The following UAP1L1 variants were observed in gnomAD, a reference collection of about 807,000 sequenced individuals.
UAP1L1 encodes the protein UDP-N-acetylhexosamine pyrophosphorylase-like protein 1.
In UAP1L1, 45 loss-of-function variants were observed where a neutral mutation model predicts 45.3. That is an observed-to-expected ratio of 0.99 (90% CI 0.78 to 1.27). The LOEUF is 1.27. Among genes scored for constraint, UAP1L1 ranks in the 50% most tolerant of loss-of-function variants. The probability of loss-of-function intolerance (pLI) is 0.00; values close to 1 mark genes in which losing one functional copy is unlikely to be tolerated. For missense variants in UAP1L1, 667 were observed against 694.0 expected (o/e 0.96, Z 0.44); for synonymous variants, 323 against 303.9 (o/e 1.06, Z -0.65).
chr9:137,083,440 T>A lies in UAP1L1; in HGVS notation c.*711T>A, dbSNP rs940407143. On this transcript the variant is annotated 3_prime_UTR_variant, in exon 9 of 9. Transcript: ENST00000409858. The stretch of plus-strand genomic sequence containing the variant: ...GGTACTCCTGCCTTCTCCCCATCTA[T>A]CCCCAAGGCCTCTGCCTCTCAGCCT... 1 of 152,452 alleles carries A rather than the reference T, an allele frequency of 6.6e-6. No individual in the cohort carries two copies. Among genetic ancestry groups the A allele is most frequent in the African/African-American group, 2.4e-5 (1 of 41,470 alleles). The allele number at this position is 152,452 out of a possible 1,614,324, so 9.4% of individuals were successfully genotyped here. A position where few individuals can be genotyped will look rare whatever the true frequency, so the allele number is the denominator to read the frequency against.
intron 7 of UAP1L1, among the ~76,000 whole-genome samples, chr9:137,081,633 A>G (rs1394148367): frequency 1.3e-5 from 2 of 152,258 alleles, no homozygotes; most frequent in East Asian, 3.8e-4. Flanking sequence ...ATTTATTCAC[A>G]GGCTTTGAAA....
rs372761273 is a variant in UAP1L1, at chr9:137,079,403, A to C, written c.991A>C (p.Ile331Leu). ...DGSLLYNAGN[I>L]CNHFFTRGFL... ...GAGCCTGCTGTACAATGCAGGCAAC[A>C]TCTGCAACCACTTCTTCACCCGAGG... The change falls in exon 5 of 9, where the codon ATC becomes CTC. Residue 331 changes from isoleucine to leucine, a missense_variant. Coordinates refer to ENST00000409858, the MANE Select transcript of UAP1L1 (RefSeq NM_207309.3). 1 of 1,604,886 alleles carries C rather than the reference A, an allele frequency of 6.2e-7. No individual in the cohort carries two copies. The highest frequency in any genetic ancestry group is 8.5e-7 in the Non-Finnish European group (1 of 1,173,928).
At position 137,077,727 on chromosome 9, in the gene UAP1L1, C is replaced by T. The variant is rs891051694; in HGVS notation, c.195C>T (p.Pro65=). The change falls in exon 1 of 9, where the codon CCC becomes CCT. Residue 65 remains proline, a synonymous_variant. Transcript: ENST00000409858. The surrounding 1 kb of genome is among the most constrained non-coding windows in gnomAD (Gnocchi z 4.7). ...GCGCGCGCCCCCACGGCCCGCCGCC[C>T]GACTTGGCCGCGCGCCTGCGGCCCC... The part of the protein sequence containing the change: ...EACARPHGPP[P]DLAARLRPLP... 1.7e-6 allele frequency: 2 copies of T among 1,178,744 alleles called. No individual in the cohort carries two copies. The highest frequency in any genetic ancestry group is 3.2e-5 in the African/African-American group (2 of 62,278). The allele number at this position is 1,178,744 out of a possible 1,614,324, so 73.0% of individuals were successfully genotyped here.
rs1252075700 is a variant in UAP1L1 at position 137,082,480 on chromosome 9, G to A, written c.1432-157G>A. On this transcript the variant is annotated intron_variant, in intron 8 of 8. Transcript: ENST00000409858. The surrounding 1 kb of genome is among the most constrained non-coding windows in gnomAD (Gnocchi z 5.7). ...GGTCTTGGGTGGCCTTGCAGTGTGT[G>A]TCTGCTCCTGGCCCTGGAAGCCTTT... 1.3e-5 allele frequency: 8 copies of A among 639,994 alleles called. No individual in the cohort carries two copies. The highest frequency in any genetic ancestry group is 1.7e-5 in the Non-Finnish European group (6 of 361,416). The allele number at this position is 639,994 out of a possible 1,614,324, so 39.6% of individuals were successfully genotyped here. A position where few individuals can be genotyped will look rare whatever the true frequency, so the allele number is the denominator to read the frequency against.
rs751679618 is a variant in UAP1L1 at position 137,078,994 on chromosome 9, A to G, written c.689A>G (p.Tyr230Cys). The part of the protein sequence containing the change: ...AMAPDGNGGL[Y>C]CALEDHKILE... Reference sequence around the variant, plus strand: ...TCTGCAGACGGCAACGGGGGCCTCTACTGCGCGCTGGAGGACCACAAGATC... The same window carrying G: ...TCTGCAGACGGCAACGGGGGCCTCTGCTGCGCGCTGGAGGACCACAAGATC... Residue 230 changes from tyrosine (Y) to cysteine (C), a missense_variant, in exon 4 of 9, where the codon TAC becomes TGC. Physicochemically the swap from Tyr to Cys is radical, Grantham distance 194. Transcript: ENST00000409858. 1.9e-6 allele frequency: 3 copies of G among 1,595,138 alleles called. No homozygotes were observed. The highest frequency in any genetic ancestry group is 1.1e-5 in the South Asian group (1 of 88,060).
chr9:137,080,987 T>G, intron 7 of UAP1L1, 113 bp downstream of exon 7: 1 of 1,118,374 alleles, frequency 8.9e-7, no homozygotes, highest in Non-Finnish European at 1.2e-6. Flanking sequence ...GGGGTCTTCC[T>G]TCCCGGCACC....
rs752876574 is a variant in UAP1L1, at chr9:137,080,129, T to C, written c.1165T>C (p.Phe389Leu). Residue 389 changes from phenylalanine (F) to leucine (L), a missense_variant, in exon 6 of 9, where the codon TTC (phenylalanine) becomes CTC (leucine). Physicochemically the swap from Phe to Leu is conservative, Grantham distance 22. Coordinates refer to ENST00000409858, the MANE Select transcript of UAP1L1 (RefSeq NM_207309.3). ...GATGGAGAAGTTTGTGTTTGATGTG[T>C]TCCGGTTTGCTAAGTTAGTAGTAGA... ...IKMEKFVFDV[F>L]RFAKNFAALE... is the part of the protein sequence containing the mutation. 1 of 1,614,096 alleles carries C rather than the reference T, an allele frequency of 6.2e-7. No individual in the cohort carries two copies.
chr9:137,080,602 C>CT, intron 6 of UAP1L1, 87 bp from the exon 7 acceptor site: 2 of 1,347,994 alleles, frequency 1.5e-6, no homozygotes, highest in Non-Finnish European at 2.1e-6. Flanking sequence ...GACCTTCACT[C>CT]TGTCACTGGA....
At chr9:137,081,826 C>T (rs1022381960) in intron 7 of UAP1L1, among the ~76,000 whole-genome samples, 172 bp from the exon 8 acceptor site, 1 of 152,252 alleles carries the variant, frequency 6.6e-6, no homozygotes, top group African/African-American at 2.4e-5. Flanking sequence ...TGTCACTTGG[C>T]AGTGGGATGT....
rs921025835 is a variant in UAP1L1 at position 137,077,875 on chromosome 9, G to A, written c.289+54G>A. The A allele has an allele frequency of 1.4e-6, 2 of 1,463,154 alleles. No individual in the cohort carries two copies. Among genetic ancestry groups the A allele is most frequent in the Admixed American group, 4.7e-5 (2 of 42,932 alleles). 90.6% of individuals were successfully genotyped at this position (1,463,154 alleles called of 1,614,324 possible). A position where few individuals can be genotyped will look rare whatever the true frequency, so the allele number is the denominator to read the frequency against. ...GGCAGGGGGTCGTGCCCACGGAGCG[G>A]GTGGGAACCGAGGCCGCGCTCGGGG... On this transcript the variant is annotated intron_variant, in intron 1 of 8. Transcript: ENST00000409858. The surrounding 1 kb of genome is among the most constrained non-coding windows in gnomAD (Gnocchi z 4.7).
Position 137,079,255 on chromosome 9 carries a change from G to C in UAP1L1, c.844-1G>C, listed in dbSNP as rs373465522. 1.2e-6 allele frequency: 2 copies of C among 1,608,454 alleles called. No homozygotes were observed. Among genetic ancestry groups the C allele is most frequent in the African/African-American group, 2.7e-5 (2 of 74,894 alleles). ...GAACCCATCCCTGGTCTTGGCTGCA[G>C]GTGGTGGAAAAGGCATACCCCGAGG... On this transcript the variant is annotated splice_acceptor_variant, in intron 4 of 8. Transcript: ENST00000409858. LOFTEE classifies it high-confidence loss of function.
rs1318287458 is a variant in UAP1L1 at position 137,078,151 on chromosome 9, G to A, written c.391G>A (p.Gly131Arg). The A allele has an allele frequency of 1.3e-6, 2 of 1,550,122 alleles. No homozygotes were observed. The highest frequency in any genetic ancestry group is 4.9e-5 in the East Asian group (2 of 40,914). Residue 131 changes from glycine to arginine, a missense_variant, in exon 2 of 9, where the codon GGG (glycine) becomes AGG (arginine). Transcript: ENST00000409858. Reference protein sequence around the residue: ...VTYPKGMYRVGLPSRKTLYQL... With the variant: ...VTYPKGMYRVRLPSRKTLYQL... ...CTACCCCAAGGGTATGTACCGTGTG[G>A]GGCTGCCCAGCCGGAAGACCCTGTA...
At position 137,077,900 on chromosome 9, in the gene UAP1L1, G is replaced by A. The variant is rs1298290630; in HGVS notation, c.289+79G>A. ...GGTGGGAACCGAGGCCGCGCTCGGG[G>A]AACTGTAGTTCTCCTCGCTACTTTG... is the stretch of plus-strand genomic sequence containing the variant. On this transcript the variant is annotated intron_variant, in intron 1 of 8. Transcript: ENST00000409858. This position sits in a 1 kb window ranked among gnomAD's most constrained non-coding sequence, Gnocchi z 4.7. 45 of 1,475,996 alleles carry A rather than the reference G, an allele frequency of 3.0e-5. No individual in the cohort carries two copies. The highest frequency in any genetic ancestry group is 2.4e-4 in the Middle Eastern group (1 of 4,110). The allele number at this position is 1,475,996 out of a possible 1,614,324, so 91.4% of individuals were successfully genotyped here.
At chr9:137,078,782 C>A in intron 3 of UAP1L1, 105 bp downstream of exon 3, 2 of 1,388,352 alleles carry the variant, frequency 1.4e-6, no homozygotes, top group Non-Finnish European at 9.6e-7. Context: ...GCTGTGTGGT[C>A]CTGGGTTAGG....
Position 137,079,079 on chromosome 9 carries a change from C to T in UAP1L1, c.774C>T (p.Ile258=). Residue 258 remains isoleucine, a synonymous_variant, in exon 4 of 9, where the codon ATC becomes ATT. Coordinates refer to ENST00000409858, the MANE Select transcript of UAP1L1 (RefSeq NM_207309.3). ...TGCACGTGTACTGTGTGGACAACAT[C>T]CTGGTGCGGCTGGCGGACCCTGTCT... ...EFVHVYCVDN[I]LVRLADPVFI... 1 of 1,610,738 alleles carries T rather than the reference C, an allele frequency of 6.2e-7. No individual in the cohort carries two copies. The highest frequency in any genetic ancestry group is 8.5e-7 in the Non-Finnish European group (1 of 1,179,242).
At position 137,082,717 on chromosome 9, in the gene UAP1L1, G is replaced by A; in HGVS notation, c.1512G>A (p.Leu504=). Reference sequence around the variant, plus strand: ...AAGACCAGGCCAGGGAGCCGCAGCTGCAGGAGTCCTGACCCGCCCAGACTG... The same window carrying A: ...AAGACCAGGCCAGGGAGCCGCAGCTACAGGAGTCCTGACCCGCCCAGACTG... ...LDEDQAREPQ[L]QES is the part of the protein sequence containing the mutation. Residue 504 remains leucine (L), a synonymous_variant, in exon 9 of 9, where the codon CTG becomes CTA. Coordinates refer to ENST00000409858, the MANE Select transcript of UAP1L1 (RefSeq NM_207309.3). This position sits in a 1 kb window ranked among gnomAD's most constrained non-coding sequence, Gnocchi z 5.7. 1 of 1,549,942 alleles carries A rather than the reference G, an allele frequency of 6.5e-7. No individual in the cohort carries two copies. The highest frequency in any genetic ancestry group is 8.7e-7 in the Non-Finnish European group (1 of 1,147,134).
rs141051691 is a variant in UAP1L1 at position 137,082,141 on chromosome 9, G to T, written c.1431+77G>T. On this transcript the variant is annotated intron_variant, in intron 8 of 8. Transcript: ENST00000409858. This position sits in a 1 kb window ranked among gnomAD's most constrained non-coding sequence, Gnocchi z 5.7. ...ACCATCTGGGGAGAGGTGGCTGCTCGGGTGGAGACGGCACAGCTCTACCTC... is the reference window on the plus strand; with the variant it reads ...ACCATCTGGGGAGAGGTGGCTGCTCTGGTGGAGACGGCACAGCTCTACCTC... The T allele has an allele frequency of 5.9e-5, 82 of 1,385,912 alleles. No individual in the cohort carries two copies. The highest frequency in any genetic ancestry group is 1.8e-4 in the Middle Eastern group (1 of 5,622). The allele number at this position is 1,385,912 out of a possible 1,614,324, so 85.9% of individuals were successfully genotyped here.
chr9:137,079,846 TG>T, intron 5 of UAP1L1, 155 bp from the exon 6 acceptor site: 1 of 852,334 alleles, frequency 1.2e-6, no homozygotes, highest in Non-Finnish European at 1.8e-6. Flanking sequence ...TGCTTCTCCC[TG>T]GAGATCTGGC....
In UAP1L1 at chr9:137,079,413, A is replaced by G; in HGVS notation, c.1001A>G (p.His334Arg). 1.2e-6 allele frequency: 2 copies of G among 1,600,616 alleles called. No homozygotes were observed. Among genetic ancestry groups the G allele is most frequent in the Non-Finnish European group, 8.5e-7 (1 of 1,170,934 alleles). ...TACAATGCAGGCAACATCTGCAACC[A>G]CTTCTTCACCCGAGGCTTCCTTAAG... ...LLYNAGNICNHFFTRGFLKAV... is the reference protein window; with the variant it reads ...LLYNAGNICNRFFTRGFLKAV... The change falls in exon 5 of 9, where the codon CAC (histidine) becomes CGC (arginine). Residue 334 changes from histidine (H) to arginine (R), a missense_variant. Physicochemically the swap from His to Arg is conservative, Grantham distance 29. Coordinates refer to ENST00000409858, the MANE Select transcript of UAP1L1 (RefSeq NM_207309.3).
Sources: allele counts gnomAD v4.1 joint callset (sites outside exome capture counted in the v4.1 genomes callset), GRCh38; gene constraint gnomAD v4.1.1; non-coding constraint Gnocchi (gnomAD v3.1); transcripts MANE v1.5; gene names NCBI Gene and HGNC (gene_info 2026-07-23, HGNC 2026-07-21).